The following C1orf115 variants were observed in gnomAD, a reference collection of about 807,000 sequenced individuals.
C1orf115 encodes chromosome 1 open reading frame 115.
In C1orf115, 14 loss-of-function variants were observed where a neutral mutation model predicts 12.5. That is an observed-to-expected ratio of 1.12 (90% CI 0.74 to 1.75). The LOEUF (loss-of-function observed/expected upper bound fraction) is 1.75. C1orf115 is among the 40% of genes most tolerant of loss of function. C1orf115 has a pLI of 0.00. For missense variants in C1orf115, 237 were observed against 220.8 expected (o/e 1.07, Z -0.46); for synonymous variants, 109 against 104.6 (o/e 1.04, Z -0.26).
intron 1 of C1orf115, among the ~76,000 whole-genome samples, chr1:220,695,982 C>T (rs1277622069): frequency 2.0e-5 from 3 of 152,112 alleles, no homozygotes; most frequent in African/African-American, 7.2e-5. Context: ...TGAATGTCCC[C>T]TACCCAGCCT....
chr1:220,693,112 G>C (rs1202080881), intron 1 of C1orf115, among the ~76,000 whole-genome samples: 1 of 152,132 alleles, frequency 6.6e-6, no homozygotes, highest in African/African-American at 2.4e-5. Flanking sequence ...CGAGACCCCA[G>C]CTCCCCTCTG....
intron 1 of C1orf115, among the ~76,000 whole-genome samples, chr1:220,692,678 A>G (rs538409034): frequency 1.3e-5 from 2 of 152,274 alleles, no homozygotes; most frequent in East Asian, 1.9e-4. Context: ...TTAATGGGTA[A>G]TGTGTTTTTT....
At chr1:220,693,228 T>G (rs1670139887) in intron 1 of C1orf115, among the ~76,000 whole-genome samples, 1 of 152,252 alleles carries the variant, frequency 6.6e-6, no homozygotes, top group Admixed American at 6.5e-5. Context: ...TTTCTTTGCA[T>G]TTCATTTCTC....
intron 1 of C1orf115, among the ~76,000 whole-genome samples, chr1:220,691,717 A>G (rs914985046): frequency 5.9e-5 from 9 of 152,240 alleles, no homozygotes; most frequent in Admixed American, 6.5e-5. Flanking sequence ...CCAGTTGAGC[A>G]CAAAGAAGCC....
At chr1:220,694,091 A>AAC (rs1305718450) in intron 1 of C1orf115, among the ~76,000 whole-genome samples, 1 of 151,750 alleles carries the variant, frequency 6.6e-6, no homozygotes, top group East Asian at 1.9e-4. Context: ...AAAAAAAAAA[A>AAC]AAAAAAAAAA....
At chr1:220,695,494 G>GTTTTT (rs10602094) in intron 1 of C1orf115, among the ~76,000 whole-genome samples, 4 of 116,388 alleles carry the variant, frequency 3.4e-5, no homozygotes, top group African/African-American at 3.4e-5. Context: ...CGATGTCTGG[G>GTTTTT]TTTTTTTTTT....
Position 220,696,647 on chromosome 1 carries a change from C to T in C1orf115, c.345C>T (p.Tyr115=), listed in dbSNP as rs377723518. 13 of 1,600,052 alleles carry T rather than the reference C, an allele frequency of 8.1e-6. No individual in the cohort carries two copies. Among genetic ancestry groups the T allele is most frequent in the African/African-American group, 4.0e-5 (3 of 74,728 alleles). The part of the protein sequence containing the change: ...VGKVIIKGCR[Y]VVIGLQGFAA... The stretch of plus-strand genomic sequence containing the variant: ...AGGTCATCATCAAAGGATGCCGCTA[C>T]GTGGTCATCGGCCTGCAAGGCTTCG... The change falls in exon 2 of 2, where the codon TAC becomes TAT. Residue 115 remains tyrosine, a synonymous_variant. Coordinates refer to ENST00000294889, the MANE Select transcript of C1orf115 (RefSeq NM_024709.5).
At chr1:220,692,314 C>G (rs1007218825) in intron 1 of C1orf115, among the ~76,000 whole-genome samples, 1 of 152,140 alleles carries the variant, frequency 6.6e-6, no homozygotes, top group Non-Finnish European at 1.5e-5. Flanking sequence ...GAATTGAAAA[C>G]AGGTACTCAA....
chr1:220,695,451 T>C (rs1486312845), intron 1 of C1orf115, among the ~76,000 whole-genome samples: 2 of 150,328 alleles, frequency 1.3e-5, no homozygotes, highest in African/African-American at 4.9e-5. Flanking sequence ...GGCAGGGCTG[T>C]TGAGAGTGGT....
Position 220,690,584 on chromosome 1 carries a change from C to T in C1orf115, c.182C>T (p.Pro61Leu), listed in dbSNP as rs754841450. Residue 61 changes from proline (P) to leucine (L), a missense_variant, in exon 1 of 2, where the codon CCG becomes CTG. Coordinates refer to ENST00000294889, the MANE Select transcript of C1orf115 (RefSeq NM_024709.5). ...SGTSAADERG[P>L]GTRGARRVHF... ...ACGAGCGCGGCGGACGAGCGGGGCCCGGGGACCCGGGGCGCGCGGAGGGTG... is the reference window on the plus strand; with the variant it reads ...ACGAGCGCGGCGGACGAGCGGGGCCTGGGGACCCGGGGCGCGCGGAGGGTG... 2.7e-6 allele frequency: 4 copies of T among 1,508,384 alleles called. No homozygotes were observed. The highest frequency in any genetic ancestry group is 2.2e-5 in the Admixed American group (1 of 44,826). 93.4% of individuals were successfully genotyped at this position (1,508,384 alleles called of 1,614,324 possible).
At chr1:220,690,753 G>A (rs544263065) in intron 1 of C1orf115, 42 bp downstream of exon 1, 2 of 1,543,168 alleles carry the variant, frequency 1.3e-6, no homozygotes, top group African/African-American at 2.8e-5. Flanking sequence ...GCGCGGGTGT[G>A]GTGTCCCGCG....
intron 1 of C1orf115, among the ~76,000 whole-genome samples, chr1:220,691,761 C>T (rs1670111315): frequency 6.6e-6 from 1 of 152,204 alleles, no homozygotes; most frequent in South Asian, 2.1e-4. Context: ...ACTGATACTG[C>T]AGAAACCTCA....
At chr1:220,695,166 A>G (rs425437) in intron 1 of C1orf115, among the ~76,000 whole-genome samples, 21,184 of 152,132 alleles carry the variant, frequency 0.14, 2,134 homozygotes, top group East Asian at 0.42. Flanking sequence ...AAGCGCAGAC[A>G]TGGAGGCAGT....
At chr1:220,692,881 G>C (rs116281651) in intron 1 of C1orf115, among the ~76,000 whole-genome samples, 1 of 152,176 alleles carries the variant, frequency 6.6e-6, no homozygotes, top group African/African-American at 2.4e-5. Context: ...CTCAGGTAGA[G>C]GGGCCATCAC....
At position 220,696,661 on chromosome 1, in the gene C1orf115, T is replaced by C; in HGVS notation, c.359T>C (p.Leu120Pro). 1.9e-6 allele frequency: 3 copies of C among 1,603,730 alleles called. No homozygotes were observed. Among genetic ancestry groups the C allele is most frequent in the Non-Finnish European group, 2.6e-6 (3 of 1,171,318 alleles). ...GGATGCCGCTACGTGGTCATCGGCC[T>C]GCAAGGCTTCGCTGCAGCCTACTCC... ...IKGCRYVVIG[L>P]QGFAAAYSAP... Residue 120 changes from leucine to proline, a missense_variant, in exon 2 of 2, where the codon CTG becomes CCG. Leu to Pro is a moderately conservative substitution (Grantham distance 98). Coordinates refer to ENST00000294889, the MANE Select transcript of C1orf115 (RefSeq NM_024709.5).
chr1:220,691,188 T>C (rs1401968899), intron 1 of C1orf115, among the ~76,000 whole-genome samples: 9 of 152,182 alleles, frequency 5.9e-5, no homozygotes, highest in Admixed American at 5.2e-4. Flanking sequence ...CCCAAGGTTA[T>C]TTCCCGAGCC....
Position 220,690,718 on chromosome 1 carries a change from G to T in C1orf115, c.309+7G>T, listed in dbSNP as rs373915621. 6 of 1,578,824 alleles carry T rather than the reference G, an allele frequency of 3.8e-6. No individual in the cohort carries two copies. Among genetic ancestry groups the T allele is most frequent in the Non-Finnish European group, 5.2e-6 (6 of 1,164,208 alleles). ...GCTGAAGAAGTACGGCAAGGTAGGGGCCCTGCGCCACCACTGCCCGGGGGG... is the reference window on the plus strand; with the variant it reads ...GCTGAAGAAGTACGGCAAGGTAGGGTCCCTGCGCCACCACTGCCCGGGGGG... On this transcript the variant is annotated splice_region_variant and intron_variant, in intron 1 of 1. Transcript: ENST00000294889.
chr1:220,694,583 G>C (rs1174314476), intron 1 of C1orf115, among the ~76,000 whole-genome samples: 4 of 152,198 alleles, frequency 2.6e-5, no homozygotes, highest in African/African-American at 9.7e-5. Context: ...TATACATGTG[G>C]ACAGATGTAA....
rs1670222933 is a variant in C1orf115, at chr1:220,698,264, C to G, written c.*1533C>G. 1 of 152,296 alleles carries G rather than the reference C, an allele frequency of 6.6e-6. No individual in the cohort carries two copies. Among genetic ancestry groups the G allele is most frequent in the Non-Finnish European group, 1.5e-5 (1 of 68,120 alleles). 9.4% of individuals were successfully genotyped at this position (152,296 alleles called of 1,614,324 possible). A position where few individuals can be genotyped will look rare whatever the true frequency, so the allele number is the denominator to read the frequency against. ...GCCTCAACGCTCATGCTTCTCTAAT[C>G]AAGCCCTACCAAGACAGACAGAAAG... is the stretch of plus-strand genomic sequence containing the variant. On this transcript the variant is annotated 3_prime_UTR_variant, in exon 2 of 2. Coordinates refer to ENST00000294889, the MANE Select transcript of C1orf115 (RefSeq NM_024709.5).
Sources: gnomAD v4.1 joint callset for allele counts (sites outside exome capture counted in the v4.1 genomes callset) on GRCh38, gnomAD v4.1.1 for gene constraint, MANE v1.5 for transcripts, NCBI Gene and HGNC (gene_info 2026-07-23, HGNC 2026-07-21) for gene names.